Variants in PIGB observed in about 807,000 individuals in gnomAD.
PIGB encodes phosphatidylinositol glycan anchor biosynthesis class B.
A neutral mutation model predicts 68.4 loss-of-function variants in PIGB; 58 were observed. That is an observed-to-expected ratio of 0.85 (90% CI 0.69 to 1.06). The LOEUF (loss-of-function observed/expected upper bound fraction) is 1.06, where lower values mean the gene tolerates loss of function less well. Ranked by LOEUF, PIGB falls within the 50% of genes least tolerant of loss-of-function variation. The pLI, the probability that PIGB is intolerant of heterozygous loss-of-function variation, is 0.00. For synonymous variants in PIGB, 219 were observed against 220.5 expected (o/e 0.99, Z 0.06); for missense variants, 634 against 655.8 (o/e 0.97, Z 0.36).
chr15:55,329,356 T>C (rs1353972129), intron 4 of PIGB, among the ~76,000 whole-genome samples: 1 of 152,174 alleles, frequency 6.6e-6, no homozygotes, highest in African/African-American at 2.4e-5. Context: ...ATAAGACAGT[T>C]TGAGAAATAT....
At chr15:55,337,799 C>T (rs1396846421) in intron 6 of PIGB, among the ~76,000 whole-genome samples, 1 of 152,142 alleles carries the variant, frequency 6.6e-6, no homozygotes, top group Admixed American at 6.5e-5. Flanking sequence ...AGAAGGAATA[C>T]ATACAGTGTG....
At chr15:55,323,699 T>C (rs2055215680) in intron 3 of PIGB, among the ~76,000 whole-genome samples, 1 of 152,260 alleles carries the variant, frequency 6.6e-6, no homozygotes, top group Non-Finnish European at 1.5e-5. Flanking sequence ...TTAGACAAGA[T>C]GAAATTAATT....
chr15:55,336,338 A>G (rs759443045), intron 6 of PIGB, among the ~76,000 whole-genome samples: 3 of 152,122 alleles, frequency 2.0e-5, no homozygotes, highest in Non-Finnish European at 4.4e-5. Context: ...GCAGTGAGCT[A>G]TGATCATTCC....
intron 6 of PIGB, among the ~76,000 whole-genome samples, chr15:55,338,569 C>T (rs2055590144): frequency 6.6e-6 from 1 of 151,990 alleles, no homozygotes; most frequent in Admixed American, 6.6e-5. Context: ...CACTTGAGCC[C>T]AGGAGGTCAA....
At chr15:55,351,950 T>A (rs112566886) in intron 10 of PIGB, 4,034 of 126,458 alleles carry the variant, frequency 0.032, 62 homozygotes, top group East Asian at 0.037. Flanking sequence ...AAACTAGACT[T>A]CTTTTTTTTT....
intron 9 of PIGB, 70 bp from the exon 10 acceptor site, chr15:55,350,629 C>A: frequency 1.1e-6 from 1 of 917,906 alleles, no homozygotes; most frequent in Non-Finnish European, 1.7e-6. Flanking sequence ...TTAAAAATTA[C>A]AGATGTATTT....
intron 9 of PIGB, chr15:55,349,960 G>T (rs968038781): frequency 6.6e-6 from 1 of 152,162 alleles, no homozygotes; most frequent in Non-Finnish European, 1.5e-5. Context: ...GACTATCAGA[G>T]GGGAGAGAGA....
chr15:55,340,860 A>G, intron 8 of PIGB, 37 bp downstream of exon 8: 1 of 1,296,810 alleles, frequency 7.7e-7, no homozygotes, highest in Non-Finnish European at 1.1e-6. Context: ...AAAATTTTTT[A>G]TGTTACCAAG....
chr15:55,350,716 C>G lies in PIGB; in HGVS notation c.1141C>G (p.Leu381Val), dbSNP rs369399221. ...MVFCGYSLTH[L>V]KTWKKPALSF... ...TCATATAGGATACTCATTAACCCAC[C>G]TGAAAACATGGAAGAAACCAGCTCT... is the stretch of plus-strand genomic sequence containing the variant. The change falls in exon 10 of 12, where the codon CTG becomes GTG. Residue 381 changes from leucine (L) to valine (V), a missense_variant. Coordinates refer to ENST00000164305, the MANE Select transcript of PIGB (RefSeq NM_004855.5). 6.2e-7 allele frequency: 1 copy of G among 1,612,536 alleles called. No homozygotes were observed. The highest frequency in any genetic ancestry group is 2.2e-5 in the East Asian group (1 of 44,806).
At chr15:55,340,987 G>T (rs1238971764) in intron 8 of PIGB, among the ~76,000 whole-genome samples, 164 bp downstream of exon 8, 1 of 151,790 alleles carries the variant, frequency 6.6e-6, no homozygotes, top group Non-Finnish European at 1.5e-5. Context: ...GCACTAGAGT[G>T]AATACTTTAG....
chr15:55,335,466 A>G (rs1423597606), intron 6 of PIGB, among the ~76,000 whole-genome samples: 14 of 152,196 alleles, frequency 9.2e-5, no homozygotes, highest in Non-Finnish European at 1.8e-4. Flanking sequence ...AGTTTAACCA[A>G]AAAAAGTACC....
At position 55,355,443 on chromosome 15, in the gene PIGB, A is replaced by G. The variant is rs758656192; in HGVS notation, c.*11A>G. On this transcript the variant is annotated 3_prime_UTR_variant, in exon 12 of 12. Coordinates refer to ENST00000164305, the MANE Select transcript of PIGB (RefSeq NM_004855.5). ...AAGATGAAATTCTGAACTTTCCTAG[A>G]TAAATTAACATTGCTGGGTGGAAAT... is the stretch of plus-strand genomic sequence containing the variant. The G allele has an allele frequency of 5.6e-6, 9 of 1,596,336 alleles. No homozygotes were observed. Among genetic ancestry groups the G allele is most frequent in the Non-Finnish European group, 6.8e-6 (8 of 1,169,586 alleles).
intron 2 of PIGB, 51 bp from the exon 3 acceptor site, chr15:55,321,221 AC>A: frequency 6.2e-6 from 9 of 1,446,796 alleles, no homozygotes; most frequent in Admixed American, 2.9e-5. Context: ...AAAAAAAAAA[AC>A]ACGGAAATAG....
At chr15:55,338,432 G>A (rs2055587178) in intron 6 of PIGB, among the ~76,000 whole-genome samples, 1 of 152,090 alleles carries the variant, frequency 6.6e-6, no homozygotes, top group Non-Finnish European at 1.5e-5. Context: ...TACTGCTTGA[G>A]GCCCGGAGTT....
chr15:55,338,945 G>A (rs1228719581), intron 6 of PIGB, among the ~76,000 whole-genome samples: 1 of 152,144 alleles, frequency 6.6e-6, no homozygotes, highest in Admixed American at 6.5e-5. Flanking sequence ...GCAACACCTA[G>A]GTTCTTGATC....
At position 55,329,094 on chromosome 15, in the gene PIGB, C is replaced by A. The variant is rs183804873; in HGVS notation, c.523-630C>A. 3.0e-3 allele frequency among the ~76,000 whole-genome samples: 460 copies of A among 152,352 alleles called. 9 individuals are homozygous for A. Among genetic ancestry groups the A allele is most frequent in the Admixed American group, 0.027 (412 of 15,306 alleles). On this transcript the variant is annotated intron_variant, in intron 4 of 11. Coordinates refer to ENST00000164305, the MANE Select transcript of PIGB (RefSeq NM_004855.5). ...GCCACATGCTTAACAATTGCCTCAA[C>A]TAACAAGTTTCTTTTAACACATTTG...
chr15:55,349,242 G>T (rs946496014), intron 9 of PIGB, among the ~76,000 whole-genome samples: 1 of 152,094 alleles, frequency 6.6e-6, no homozygotes, highest in African/African-American at 2.4e-5. Flanking sequence ...GAGTGCAGTG[G>T]CGTGGTCATA....
intron 6 of PIGB, among the ~76,000 whole-genome samples, chr15:55,338,416 G>A (rs1389448003): frequency 3.9e-5 from 6 of 152,094 alleles, no homozygotes; most frequent in African/African-American, 1.4e-4. Flanking sequence ...GAGGCCAATG[G>A]GGAAGTACTG....
At chr15:55,320,461 A>G in intron 2 of PIGB, 51 bp downstream of exon 2, 1 of 1,565,116 alleles carries the variant, frequency 6.4e-7, no homozygotes, top group Non-Finnish European at 8.7e-7. Flanking sequence ...TCATCTTGGA[A>G]ATTGTGCTCA....
Sources: allele counts gnomAD v4.1 joint callset (sites outside exome capture counted in the v4.1 genomes callset), GRCh38; gene constraint gnomAD v4.1.1; transcripts MANE v1.5; gene names NCBI Gene and HGNC (gene_info 2026-07-23, HGNC 2026-07-21).